The following VIPR2 variants were observed in gnomAD, a reference collection of about 807,000 sequenced individuals.
VIPR2 encodes the protein vasoactive intestinal polypeptide receptor 2.
In VIPR2, 48 loss-of-function variants were observed where a neutral mutation model predicts 58.0. That is an observed-to-expected ratio of 0.83 (90% CI 0.66 to 1.05). VIPR2 has a LOEUF of 1.05. Among genes scored for constraint, VIPR2 ranks in the 50% least tolerant of loss-of-function variants. The probability of loss-of-function intolerance (pLI) is 0.00; values close to 1 mark genes in which losing one functional copy is unlikely to be tolerated. For missense variants in VIPR2, 534 were observed against 558.0 expected (o/e 0.96, Z 0.43); for synonymous variants, 243 against 235.2 (o/e 1.03, Z -0.30).
At chr7:159,038,669 G>A (rs910479067) in intron 6 of VIPR2, among the ~76,000 whole-genome samples, 4 of 152,128 alleles carry the variant, frequency 2.6e-5, no homozygotes, top group South Asian at 4.2e-4. Flanking sequence ...GTAAAAGACC[G>A]CATCTTAAAC....
At chr7:159,119,943 G>A (rs146299168) in intron 2 of VIPR2, among the ~76,000 whole-genome samples, 3,011 of 150,710 alleles carry the variant, frequency 0.02, 126 homozygotes, top group African/African-American at 0.071. Context: ...CGGAAGAAAT[G>A]CTTGTCCCCT....
intron 4 of VIPR2, among the ~76,000 whole-genome samples, chr7:159,091,780 G>A (rs1857522395): frequency 6.6e-6 from 1 of 152,236 alleles, no homozygotes; most frequent in Non-Finnish European, 1.5e-5. Context: ...CTGCTTCCTA[G>A]TCAGCTGGGC....
intron 4 of VIPR2, among the ~76,000 whole-genome samples, chr7:159,075,655 G>T (rs1374437914): frequency 6.6e-6 from 1 of 151,198 alleles, no homozygotes; most frequent in East Asian, 2.0e-4. Context: ...CAGCACCCAA[G>T]GACCTGCCAC....
rs1404621450 is a variant in VIPR2 at position 159,095,101 on chromosome 7, A to T, written c.357+8656T>A. On this transcript the variant is annotated intron_variant, in intron 4 of 12. Coordinates refer to ENST00000262178, the MANE Select transcript of VIPR2 (RefSeq NM_003382.5). This position sits in a 1 kb window ranked among gnomAD's most constrained non-coding sequence, Gnocchi z 5.2. ...CCACAAAGATGGAGAGGGGCTAGGG[A>T]GAGTTCCAGATTAAAGCCGGGGAGC... Among the ~76,000 whole-genome samples, 1 of 152,182 alleles carries T rather than the reference A, an allele frequency of 6.6e-6. No individual in the cohort carries two copies. Among genetic ancestry groups the T allele is most frequent in the Admixed American group, 6.5e-5 (1 of 15,274 alleles).
At chr7:159,092,646 T>G (rs1323144553) in intron 4 of VIPR2, among the ~76,000 whole-genome samples, 1 of 133,768 alleles carries the variant, frequency 7.5e-6, no homozygotes, top group Non-Finnish European at 1.5e-5. Context: ...TTTTCTTTTC[T>G]TTTCTTTTTT....
intron 4 of VIPR2, among the ~76,000 whole-genome samples, chr7:159,080,134 T>G (rs1002994435): frequency 6.6e-6 from 1 of 152,204 alleles, no homozygotes; most frequent in Non-Finnish European, 1.5e-5. Flanking sequence ...AGCATCATCC[T>G]GATACCAAAG....
At chr7:159,118,545 G>C (rs962896546) in intron 2 of VIPR2, among the ~76,000 whole-genome samples, 14 of 152,184 alleles carry the variant, frequency 9.2e-5, no homozygotes, top group African/African-American at 3.1e-4. Context: ...GGGTGTTTAC[G>C]GTGAATGAGA....
At chr7:159,044,361 A>G (rs558740306) in intron 5 of VIPR2, among the ~76,000 whole-genome samples, 15 of 152,314 alleles carry the variant, frequency 9.8e-5, no homozygotes, top group Middle Eastern at 3.4e-3. Flanking sequence ...GAAGTGGGAG[A>G]CTGTGATTCC....
intron 2 of VIPR2, among the ~76,000 whole-genome samples, chr7:159,120,672 T>C (rs1216879164): frequency 6.6e-6 from 1 of 152,196 alleles, no homozygotes; most frequent in Non-Finnish European, 1.5e-5. Context: ...TTGGCACCAC[T>C]GCATAGTAAC....
intron 5 of VIPR2, among the ~76,000 whole-genome samples, chr7:159,055,237 T>G (rs965170015): frequency 6.6e-6 from 1 of 152,110 alleles, no homozygotes; most frequent in African/African-American, 2.4e-5. Flanking sequence ...GATTCCGAGG[T>G]AACGTTTTCA....
At chr7:159,113,194 C>T (rs1281290329) in intron 2 of VIPR2, among the ~76,000 whole-genome samples, 1 of 152,210 alleles carries the variant, frequency 6.6e-6, no homozygotes, top group Non-Finnish European at 1.5e-5. Context: ...ACCTGCCTGA[C>T]CTAAGCCTGG....
At chr7:159,125,493 CCT>C (rs769178295) in intron 2 of VIPR2, among the ~76,000 whole-genome samples, 1 of 152,150 alleles carries the variant, frequency 6.6e-6, no homozygotes, top group Non-Finnish European at 1.5e-5. Context: ...GCAGCCCAAC[CCT>C]CTGGTTACTC....
At chr7:159,080,554 G>A (rs1274488595) in intron 4 of VIPR2, among the ~76,000 whole-genome samples, 1 of 152,110 alleles carries the variant, frequency 6.6e-6, no homozygotes, top group Non-Finnish European at 1.5e-5. Context: ...TTGAAAACTG[G>A]CACAAGACAG....
At chr7:159,036,616 G>A (rs1488278335) in intron 7 of VIPR2, 136 bp downstream of exon 7, 1 of 1,154,218 alleles carries the variant, frequency 8.7e-7, no homozygotes, top group Non-Finnish European at 1.2e-6. Flanking sequence ...CAGTCATCCT[G>A]GAAGAGCTCT....
At chr7:159,104,429 C>G (rs138271783) in intron 3 of VIPR2, among the ~76,000 whole-genome samples, 1 of 146,668 alleles carries the variant, frequency 6.8e-6, no homozygotes, top group Non-Finnish European at 1.5e-5. Context: ...CTCCAGTTCC[C>G]GACAGCACCC....
At chr7:159,053,681 G>A (rs961558256) in intron 5 of VIPR2, among the ~76,000 whole-genome samples, 7 of 152,172 alleles carry the variant, frequency 4.6e-5, no homozygotes, top group African/African-American at 1.7e-4. Context: ...TGGAACTGCA[G>A]GCATGTGCCA....
At chr7:159,043,263 T>C in intron 5 of VIPR2, 87 bp from the exon 6 acceptor site, 2 of 1,244,638 alleles carry the variant, frequency 1.6e-6, no homozygotes, top group Non-Finnish European at 2.2e-6. Context: ...AAACTCATAC[T>C]ATGATCAGAG....
intron 6 of VIPR2, among the ~76,000 whole-genome samples, chr7:159,038,158 G>A (rs2527186): frequency 0.92 from 140,453 of 152,098 alleles, 64,906 homozygotes; most frequent in East Asian, 1. Context: ...CCTGAGAGCC[G>A]CTGAGCCCTG....
Position 159,119,478 on chromosome 7 carries a change from C to T in VIPR2, c.152-9559G>A, listed in dbSNP as rs191892962. ...CCCCCTGCACCTGTAGGAGCCCAGA[C>T]GCAGATGCCCAGACCAGCCTGCTGC... On this transcript the variant is annotated intron_variant, in intron 2 of 12. Transcript: ENST00000262178. 3.9e-4 allele frequency among the ~76,000 whole-genome samples: 59 copies of T among 152,316 alleles called. 2 individuals carry two copies. Among genetic ancestry groups the T allele is most frequent in the East Asian group, 3.9e-3 (20 of 5,184 alleles).
Sources: allele counts gnomAD v4.1 joint callset (sites outside exome capture counted in the v4.1 genomes callset), GRCh38; gene constraint gnomAD v4.1.1; non-coding constraint Gnocchi (gnomAD v3.1); transcripts MANE v1.5; gene names NCBI Gene and HGNC (gene_info 2026-07-23, HGNC 2026-07-21).